RHOF: variants seen among roughly 807,000 people sequenced by gnomAD.
RHOF encodes the protein rho-related GTP-binding protein RhoF.
In RHOF, 21 loss-of-function variants were observed where a neutral mutation model predicts 22.2. The ratio of observed to expected loss-of-function variants is 0.95; its 90% confidence interval spans 0.67 to 1.36. The LOEUF is 1.36. RHOF is among the 40% of genes most tolerant of loss of function. The probability of loss-of-function intolerance (pLI) is 0.00; values close to 1 mark genes in which losing one functional copy is unlikely to be tolerated. For missense variants in RHOF, 285 were observed against 293.7 expected (o/e 0.97, Z 0.22); for synonymous variants, 135 against 131.2 (o/e 1.03, Z -0.20).
rs139194266 is a variant in RHOF at position 121,779,585 on chromosome 12, G to A, written c.549C>T (p.Asp183=). ...CCACCTTGGCGGCCTCCCGGAAGAC[G>A]TCCTCCACATTCTCCCGAAACTTGG... The part of the protein sequence containing the change: ...CSAKFRENVE[D]VFREAAKVAL... Residue 183 remains aspartate, a synonymous_variant, in exon 5 of 5, where the codon GAC becomes GAT. Coordinates refer to ENST00000267205, the MANE Select transcript of RHOF (RefSeq NM_019034.3). 1.1e-5 allele frequency: 17 copies of A among 1,614,084 alleles called. No homozygotes were observed. In the African/African-American group the frequency reaches 1.3e-4, roughly 13 times the overall value.
chr12:121,789,090 C>T (rs961502866), intron 2 of RHOF, among the ~76,000 whole-genome samples: 1 of 152,114 alleles, frequency 6.6e-6, no homozygotes, highest in Non-Finnish European at 1.5e-5. Flanking sequence ...GTAGACCAGG[C>T]GTGGTGGCTC....
Position 121,793,561 on chromosome 12 carries a change from C to G in RHOF, c.73G>C (p.Val25Leu). ...PGRKELKIVI[V>L]GDGGCGKTSL... ...GTCTTGCCGCAGCCGCCGTCGCCCA[C>G]GATCACGATCTTCAGCTCCTTCCTG... The change falls in exon 1 of 5, where the codon GTG becomes CTG. Residue 25 changes from valine (V) to leucine (L), a missense_variant. Transcript: ENST00000267205. 1 of 1,551,526 alleles carries G rather than the reference C, an allele frequency of 6.4e-7. No homozygotes were observed. The highest frequency in any genetic ancestry group is 8.7e-7 in the Non-Finnish European group (1 of 1,151,504).
intron 4 of RHOF, chr12:121,779,948 C>G (rs539282630): frequency 7.4e-6 from 2 of 268,810 alleles, no homozygotes; most frequent in Admixed American, 7.7e-5. Flanking sequence ...TTGGTTCCCC[C>G]AGGTGTCTCC....
chr12:121,793,347 A>T (rs1215090957), intron 1 of RHOF, 108 bp from the exon 2 acceptor site: 13 of 1,425,244 alleles, frequency 9.1e-6, no homozygotes, highest in African/African-American at 1.4e-5. Context: ...GCCCCCCCTC[A>T]CCCCGCTGGG....
chr12:121,786,962 CAGG>C (rs1225770616), intron 2 of RHOF, among the ~76,000 whole-genome samples: 1 of 152,106 alleles, frequency 6.6e-6, no homozygotes, highest in Admixed American at 6.6e-5. Context: ...TGCTTGAACC[CAGG>C]AGGCTGAGGT....
chr12:121,780,773 G>C, intron 4 of RHOF, 99 bp downstream of exon 4: 10 of 1,363,786 alleles, frequency 7.3e-6, no homozygotes, highest in Non-Finnish European at 9.9e-6. Flanking sequence ...GCTTCCCTCA[G>C]CTCCCTGAAA....
chr12:121,779,452 G>GC lies in RHOF; in HGVS notation c.*45dup. On this transcript the variant is annotated 3_prime_UTR_variant, in exon 5 of 5. Coordinates refer to ENST00000267205, the MANE Select transcript of RHOF (RefSeq NM_019034.3). ...CCTCCCTGGTGCAATCGGCACCTGGGCCCCCGGGCCCTGTCAGTGCTGTCG... is the reference window on the plus strand; with the variant it reads ...CCTCCCTGGTGCAATCGGCACCTGGGCCCCCCGGGCCCTGTCAGTGCTGTCG... 2.5e-6 allele frequency: 4 copies of GC among 1,594,566 alleles called. No individual in the cohort carries two copies. Among genetic ancestry groups the GC allele is most frequent in the African/African-American group, 1.3e-5 (1 of 74,606 alleles).
Position 121,780,862 on chromosome 12 carries a change from C to T in RHOF, c.471+10G>A, listed in dbSNP as rs375762278. 3.0e-4 allele frequency: 491 copies of T among 1,610,930 alleles called. 6 individuals are homozygous for T. In the South Asian group the frequency reaches 5.2e-3, roughly 17 times the overall value. On this transcript the variant is annotated intron_variant, in intron 4 of 4. Coordinates refer to ENST00000267205, the MANE Select transcript of RHOF (RefSeq NM_019034.3). ...CACGGCTGTGCCCCAGGGTCTTGGC[C>T]CCGGCCCACCTGCATGTAGGTGATG...
intron 2 of RHOF, among the ~76,000 whole-genome samples, chr12:121,791,612 C>A (rs746531552): frequency 2.6e-5 from 4 of 152,190 alleles, no homozygotes; most frequent in Non-Finnish European, 5.9e-5. Context: ...CTTCCTACAG[C>A]AACTTGCAGC....
chr12:121,790,998 C>T lies in RHOF; in HGVS notation c.226+2154G>A, dbSNP rs562129942. 2.0e-5 allele frequency among the ~76,000 whole-genome samples: 3 copies of T among 152,182 alleles called. No individual in the cohort carries two copies. The South Asian group carries it at 6.2e-4, about 32-fold the overall frequency. On this transcript the variant is annotated intron_variant, in intron 2 of 4. Coordinates refer to ENST00000267205, the MANE Select transcript of RHOF (RefSeq NM_019034.3). ...AAGCAATTCTCCTGCCTCAGCCTTC[C>T]GAGTAGCTGGGACTATAGGTATGTG...
intron 2 of RHOF, among the ~76,000 whole-genome samples, chr12:121,785,594 T>A (rs1313615067): frequency 6.6e-6 from 1 of 150,698 alleles, no homozygotes; most frequent in Admixed American, 6.6e-5. Flanking sequence ...GCCTGGCTAA[T>A]TTTTTTTGTA....
intron 2 of RHOF, among the ~76,000 whole-genome samples, chr12:121,790,763 T>C (rs965900973): frequency 6.6e-6 from 1 of 152,116 alleles, no homozygotes; most frequent in Non-Finnish European, 1.5e-5. Flanking sequence ...AAGATAGATC[T>C]CCCCGCTGCA....
chr12:121,791,873 C>A (rs763340033), intron 2 of RHOF, among the ~76,000 whole-genome samples: 11 of 152,236 alleles, frequency 7.2e-5, no homozygotes, highest in Non-Finnish European at 1.3e-4. Flanking sequence ...GGGTCAATGA[C>A]CTTGCCCCTC....
intron 2 of RHOF, among the ~76,000 whole-genome samples, chr12:121,792,000 G>A (rs549346971): frequency 6.6e-6 from 1 of 152,386 alleles, no homozygotes; most frequent in South Asian, 2.1e-4. Flanking sequence ...CTCACCAGGG[G>A]CTAGAGACAG....
rs767396659 is a variant in RHOF, at chr12:121,786,010, G to A, written c.227-4818C>T. ...GCTCACTGCAAACTCCGCCTTCTGG[G>A]TTCACGCCATTCTTCTGCTTCAAGC... On this transcript the variant is annotated intron_variant, in intron 2 of 4. Transcript: ENST00000267205. Among the ~76,000 whole-genome samples the A allele has an allele frequency of 8.4e-4, 128 of 151,876 alleles. 1 individual carries two copies. The highest frequency in any genetic ancestry group is 3.2e-3 in the Middle Eastern group (1 of 316).
intron 2 of RHOF, 43 bp from the exon 3 acceptor site, chr12:121,781,235 T>C (rs1874446100): frequency 1.3e-6 from 2 of 1,558,928 alleles, no homozygotes; most frequent in Middle Eastern, 1.7e-4. Context: ...GTCCCCTCCC[T>C]GTCTGGACTC....
rs147953004 is a variant in RHOF at position 121,785,275 on chromosome 12, A to G, written c.227-4083T>C. Among the ~76,000 whole-genome samples, 674 of 152,314 alleles carry G rather than the reference A, an allele frequency of 4.4e-3. 4 individuals are homozygous for G. Among genetic ancestry groups the G allele is most frequent in the African/African-American group, 0.015 (638 of 41,558 alleles). ...CTCATCACGCTGCTCAGAGCAGTGC[A>G]TGATCTAAAATTTATGAATTATTTC... On this transcript the variant is annotated intron_variant, in intron 2 of 4. Coordinates refer to ENST00000267205, the MANE Select transcript of RHOF (RefSeq NM_019034.3).
At chr12:121,780,760 C>G (rs1874419899) in intron 4 of RHOF, 112 bp downstream of exon 4, 2 of 1,238,024 alleles carry the variant, frequency 1.6e-6, no homozygotes, top group African/African-American at 3.0e-5. Flanking sequence ...TTCTTAGAAT[C>G]TTGCTTCCCT....
rs35474958 is a variant in RHOF, at chr12:121,778,450, CA to C, written c.*1047del. 825 of 90,860 alleles carry C rather than the reference CA, an allele frequency of 9.1e-3. 7 individuals are homozygous for C. The highest frequency in any genetic ancestry group is 0.016 in the African/African-American group (409 of 25,980). The allele number at this position is 90,860 out of a possible 1,614,324, so 5.6% of individuals were successfully genotyped here. ...TGAGTGACAGAATGAGACTCTGTCC[CA>C]AAAAAAAAAAAAAAAAAAAATTCCC... On this transcript the variant is annotated 3_prime_UTR_variant, in exon 5 of 5. Coordinates refer to ENST00000267205, the MANE Select transcript of RHOF (RefSeq NM_019034.3).
Sources: allele counts gnomAD v4.1 joint callset (sites outside exome capture counted in the v4.1 genomes callset), GRCh38; gene constraint gnomAD v4.1.1; transcripts MANE v1.5; gene names NCBI Gene and HGNC (gene_info 2026-07-23, HGNC 2026-07-21).